PKNOX2: variants seen among roughly 807,000 people sequenced by gnomAD.
PKNOX2 encodes PBX/knotted 1 homeobox 2, also known as homeobox protein PKNOX2.
Under a neutral mutation model 53.1 loss-of-function variants are expected in PKNOX2, and 14 were observed. The ratio of observed to expected loss-of-function variants is 0.26; its 90% CI spans 0.17 to 0.41. PKNOX2 has a LOEUF of 0.41. Ranked by LOEUF, PKNOX2 falls within the 10% of genes least tolerant of loss-of-function variation. The pLI is 1.00. For missense variants in PKNOX2, 496 were observed against 602.8 expected (o/e 0.82, Z 1.85); for synonymous variants, 257 against 242.8 (o/e 1.06, Z -0.54).
At chr11:125,224,791 C>A (rs992906390) in intron 1 of PKNOX2, among the ~76,000 whole-genome samples, 2 of 152,172 alleles carry the variant, frequency 1.3e-5, no homozygotes, top group Non-Finnish European at 2.9e-5. Flanking sequence ...CAGCCAGCAC[C>A]GTACACATCT....
chr11:125,303,254 A>G (rs1193907303), intron 2 of PKNOX2, among the ~76,000 whole-genome samples: 1 of 152,150 alleles, frequency 6.6e-6, no homozygotes, highest in Non-Finnish European at 1.5e-5. Context: ...TATTTTTCTT[A>G]TGGCCTCCAA....
intron 5 of PKNOX2, among the ~76,000 whole-genome samples, chr11:125,380,174 A>G (rs536033054): frequency 7.2e-5 from 11 of 152,328 alleles, no homozygotes; most frequent in Admixed American, 2.6e-4. Context: ...GGAGGCGCAG[A>G]GCTGAATGTG....
At chr11:125,407,754 A>C (rs894323917) in intron 7 of PKNOX2, among the ~76,000 whole-genome samples, 4 of 152,120 alleles carry the variant, frequency 2.6e-5, no homozygotes, top group Non-Finnish European at 4.4e-5. Flanking sequence ...AAACAAACAA[A>C]AAAAAAAGTA....
At position 125,352,737 on chromosome 11, in the gene PKNOX2, C is replaced by T. The variant is rs969111438; in HGVS notation, c.87+1345C>T. Among the ~76,000 whole-genome samples the T allele has an allele frequency of 1.3e-5, 2 of 152,132 alleles. No individual in the cohort carries two copies. The highest frequency in any genetic ancestry group is 4.8e-5 in the African/African-American group (2 of 41,438). On this transcript the variant is annotated intron_variant, in intron 4 of 12. Transcript: ENST00000298282. This position sits in a 1 kb window ranked among gnomAD's most constrained non-coding sequence, Gnocchi z 4.1. ...ATCTCTGAGCACATGTCTACGGCCC[C>T]GCTCCCACATATCAAATCATATTAC...
chr11:125,252,571 G>A (rs1242295513), intron 2 of PKNOX2, among the ~76,000 whole-genome samples: 1 of 152,162 alleles, frequency 6.6e-6, no homozygotes, highest in Non-Finnish European at 1.5e-5. Context: ...AGGCTCAGAA[G>A]GGGGAGTGGT....
intron 2 of PKNOX2, among the ~76,000 whole-genome samples, chr11:125,298,919 A>C (rs12273890): frequency 1.1e-4 from 17 of 152,062 alleles, no homozygotes; most frequent in Non-Finnish European, 2.4e-4. Context: ...CTCCAGATCA[A>C]GCCCTGTGTT....
chr11:125,327,715 C>G (rs1949910471), intron 2 of PKNOX2, among the ~76,000 whole-genome samples: 1 of 152,116 alleles, frequency 6.6e-6, no homozygotes, highest in South Asian at 2.1e-4. Context: ...CCCCCTTGTG[C>G]TTGGTGGAAT....
intron 1 of PKNOX2, among the ~76,000 whole-genome samples, chr11:125,204,116 G>A (rs771714419): frequency 6.6e-6 from 1 of 152,176 alleles, no homozygotes; most frequent in Admixed American, 6.5e-5. Context: ...GAATGCCAGA[G>A]ACACCAGAGC....
At chr11:125,273,484 G>T (rs1163911303) in intron 2 of PKNOX2, among the ~76,000 whole-genome samples, 1 of 152,198 alleles carries the variant, frequency 6.6e-6, no homozygotes, top group Non-Finnish European at 1.5e-5. Context: ...TCCCTATGGG[G>T]TGAGGAAAGC....
At chr11:125,272,869 G>T (rs905188457) in intron 2 of PKNOX2, among the ~76,000 whole-genome samples, 1 of 152,180 alleles carries the variant, frequency 6.6e-6, no homozygotes, top group Non-Finnish European at 1.5e-5. Flanking sequence ...GCCTCACCAC[G>T]CCTTGTTTCA....
intron 1 of PKNOX2, among the ~76,000 whole-genome samples, chr11:125,221,327 C>T (rs1426455567): frequency 6.6e-6 from 1 of 152,152 alleles, no homozygotes; most frequent in East Asian, 1.9e-4. Flanking sequence ...GAAAGGGAAG[C>T]CAGGTGAGGG....
chr11:125,369,431 C>T (rs931720369), intron 5 of PKNOX2, among the ~76,000 whole-genome samples: 6 of 152,230 alleles, frequency 3.9e-5, no homozygotes, highest in African/African-American at 9.6e-5. Flanking sequence ...CTTCCCTCTG[C>T]CCTTCCCTCT....
rs138247731 is a variant in PKNOX2, at chr11:125,332,122, T to C, written c.-23+197T>C. Among the ~76,000 whole-genome samples the C allele has an allele frequency of 1.6e-4, 25 of 152,340 alleles. 1 individual carries two copies. Among genetic ancestry groups the C allele is most frequent in the African/African-American group, 6.0e-4 (25 of 41,578 alleles). On this transcript the variant is annotated intron_variant, in intron 3 of 12. Coordinates refer to ENST00000298282, the MANE Select transcript of PKNOX2 (RefSeq NM_001382323.2). ...CTCCTTGAGGAGGAGGGCTGGGCCT[T>C]ATTCCTGTCTCTTTTCATCTATTCT... is the stretch of plus-strand genomic sequence containing the variant.
intron 1 of PKNOX2, among the ~76,000 whole-genome samples, chr11:125,221,385 G>C (rs1346457637): frequency 6.6e-6 from 1 of 152,186 alleles, no homozygotes; most frequent in African/African-American, 2.4e-5. Context: ...CATGTGATAA[G>C]TGCAGTGTGT....
chr11:125,294,259 T>C (rs2135925546), intron 2 of PKNOX2, among the ~76,000 whole-genome samples: 1 of 152,320 alleles, frequency 6.6e-6, no homozygotes, highest in South Asian at 2.1e-4. Context: ...TCCACAAGTA[T>C]TTAGGGGGTA....
rs545113270 is a variant in PKNOX2, at chr11:125,357,595, G to T, written c.87+6203G>T. Among the ~76,000 whole-genome samples the T allele has an allele frequency of 9.9e-5, 15 of 150,790 alleles. No homozygotes were observed. In the South Asian group the frequency reaches 3.1e-3, roughly 31 times the overall value. On this transcript the variant is annotated intron_variant, in intron 4 of 12. Transcript: ENST00000298282. Reference sequence around the variant, plus strand: ...GGACAGGTGATCCAAGTCAGCAGCGGGTCTGGGGAGGACCTTACATGCTCT... The same window carrying T: ...GGACAGGTGATCCAAGTCAGCAGCGTGTCTGGGGAGGACCTTACATGCTCT...
intron 4 of PKNOX2, among the ~76,000 whole-genome samples, chr11:125,353,012 G>A (rs1591539020): frequency 6.6e-6 from 1 of 152,170 alleles, no homozygotes; most frequent in Non-Finnish European, 1.5e-5. Flanking sequence ...GAAGCTAGGG[G>A]CCAGAATAGG....
intron 5 of PKNOX2, among the ~76,000 whole-genome samples, chr11:125,375,593 C>T (rs1952787095): frequency 6.6e-6 from 1 of 152,124 alleles, no homozygotes; most frequent in South Asian, 2.1e-4. Flanking sequence ...AATGAGAAGC[C>T]CGTTGGGGTA....
intron 2 of PKNOX2, among the ~76,000 whole-genome samples, chr11:125,256,855 G>T (rs1168930378): frequency 6.6e-6 from 1 of 152,158 alleles, no homozygotes; most frequent in Non-Finnish European, 1.5e-5. Context: ...TGCTTCCGTT[G>T]CAGCCGCCTC....
Sources: allele counts gnomAD v4.1 joint callset (sites outside exome capture counted in the v4.1 genomes callset), GRCh38; gene constraint gnomAD v4.1.1; non-coding constraint Gnocchi (gnomAD v3.1); transcripts MANE v1.5; gene names NCBI Gene and HGNC (gene_info 2026-07-23, HGNC 2026-07-21).